The following TERB2 variants were observed in gnomAD, a reference collection of about 807,000 sequenced individuals.
TERB2 encodes telomere repeats-binding bouquet formation protein 2.
In TERB2, 26 loss-of-function variants were observed where a neutral mutation model predicts 29.8. That is an observed-to-expected ratio of 0.87 (90% confidence interval 0.64 to 1.21). The LOEUF (loss-of-function observed/expected upper bound fraction) is 1.21, where lower values mean the gene tolerates loss of function less well. Among genes scored for constraint, TERB2 ranks in the 50% most tolerant of loss-of-function variants. TERB2 has a pLI of 0.00. For missense variants in TERB2, 240 were observed against 268.6 expected (o/e 0.89, Z 0.74); for synonymous variants, 80 against 90.8 (o/e 0.88, Z 0.68).
At chr15:44,977,098 A>AACACACACACACACACACACACACACAC (rs373706136) in intron 6 of TERB2, among the ~76,000 whole-genome samples, 26 of 148,882 alleles carry the variant, frequency 1.7e-4, no homozygotes, top group South Asian at 4.3e-4. Flanking sequence ...ACCCTGTCAA[A>AACACACACACACACACACACACACACAC]ACACACACAC....
intron 5 of TERB2, among the ~76,000 whole-genome samples, chr15:44,972,851 T>C (rs1046337952): frequency 6.6e-6 from 1 of 152,186 alleles, no homozygotes; most frequent in East Asian, 1.9e-4. Flanking sequence ...TATACATTTT[T>C]TTAGATTTTA....
chr15:44,972,071 C>G (rs1256208493), intron 5 of TERB2, among the ~76,000 whole-genome samples: 1 of 143,530 alleles, frequency 7.0e-6, no homozygotes, highest in East Asian at 2.3e-4. Context: ...CTCACTGCAA[C>G]CTCCGCCTCC....
intron 4 of TERB2, among the ~76,000 whole-genome samples, chr15:44,965,345 G>A (rs1021237905): frequency 1.4e-5 from 2 of 147,654 alleles, no homozygotes; most frequent in Admixed American, 1.4e-4. Context: ...CGTATATAGT[G>A]AAGCAAATAC....
chr15:44,961,489 C>T, intron 3 of TERB2, 34 bp from the exon 4 acceptor site: 1 of 1,477,004 alleles, frequency 6.8e-7, no homozygotes, highest in Non-Finnish European at 9.1e-7. Context: ...AAAAAAAAAC[C>T]AAAACAGTAT....
At chr15:44,971,789 A>C (rs899910455) in intron 5 of TERB2, among the ~76,000 whole-genome samples, 95 of 151,636 alleles carry the variant, frequency 6.3e-4, no homozygotes, top group African/African-American at 2.2e-3. Context: ...AAATAATGAA[A>C]GTATTCCTTC....
chr15:44,962,041 C>G (rs1266258776), intron 4 of TERB2, among the ~76,000 whole-genome samples: 1 of 151,932 alleles, frequency 6.6e-6, no homozygotes. Context: ...TTGAATATTA[C>G]TTGGTTCGAC....
At chr15:44,971,306 G>A (rs1354383196) in intron 5 of TERB2, 1 of 152,204 alleles carries the variant, frequency 6.6e-6, no homozygotes, top group Admixed American at 6.5e-5. Flanking sequence ...ACCAGCGAAA[G>A]CAGCCACTCT....
chr15:44,970,662 A>G (rs886767619), intron 5 of TERB2: 9 of 168,922 alleles, frequency 5.3e-5, no homozygotes, highest in Admixed American at 2.5e-4. Context: ...TTCCTCATCA[A>G]CTCTTGTTCC....
At position 44,958,527 on chromosome 15, in the gene TERB2, T is replaced by C. The variant is rs1326777018; in HGVS notation, c.286+15T>C. ...CCTGCAAAAAGGTTAGCAAAGATCATTCAGCCAATCCCTGTCAGACAGCCA... is the reference window on the plus strand; with the variant it reads ...CCTGCAAAAAGGTTAGCAAAGATCACTCAGCCAATCCCTGTCAGACAGCCA... On this transcript the variant is annotated intron_variant, in intron 3 of 6. Coordinates refer to ENST00000340827, the MANE Select transcript of TERB2 (RefSeq NM_152448.3). The C allele has an allele frequency of 1.3e-6, 2 of 1,596,514 alleles. No individual in the cohort carries two copies. The highest frequency in any genetic ancestry group is 3.5e-5 in the Admixed American group (2 of 57,162).
intron 2 of TERB2, among the ~76,000 whole-genome samples, chr15:44,957,711 CTG>C (rs1223765011): frequency 3.9e-5 from 6 of 152,198 alleles, no homozygotes; most frequent in Admixed American, 3.9e-4. Flanking sequence ...TGCCTCGAAT[CTG>C]TTCCCTGAGA....
intron 5 of TERB2, among the ~76,000 whole-genome samples, chr15:44,966,577 G>A (rs556549907): frequency 9.9e-5 from 15 of 152,196 alleles, no homozygotes; most frequent in African/African-American, 3.1e-4. Flanking sequence ...GCAGAAAGGA[G>A]ACAAGGATTT....
intron 5 of TERB2, among the ~76,000 whole-genome samples, chr15:44,968,894 T>C (rs1267537950): frequency 2.0e-5 from 3 of 152,172 alleles, no homozygotes; most frequent in Middle Eastern, 3.2e-3. Context: ...AGGAGTTTTT[T>C]TTCTTTCTTA....
intron 4 of TERB2, among the ~76,000 whole-genome samples, chr15:44,965,803 T>C (rs569214282): frequency 6.6e-6 from 1 of 151,620 alleles, no homozygotes; most frequent in Non-Finnish European, 1.5e-5. Flanking sequence ...AGATTTTTTG[T>C]TTCCTTATTT....
chr15:44,973,760 TTATG>T (rs1892003892), intron 5 of TERB2, 103 bp from the exon 6 acceptor site: 1 of 791,238 alleles, frequency 1.3e-6, no homozygotes, highest in Non-Finnish European at 1.6e-6. Context: ...GTAAAGGTAA[TTATG>T]TATTATAAAT....
intron 5 of TERB2, among the ~76,000 whole-genome samples, chr15:44,969,115 G>A (rs1249986814): frequency 1.3e-5 from 2 of 151,038 alleles, no homozygotes; most frequent in Admixed American, 6.6e-5. Context: ...AAATTAATTA[G>A]ACAGGGTCTC....
intron 4 of TERB2, among the ~76,000 whole-genome samples, chr15:44,963,755 A>G (rs1891840688): frequency 6.6e-6 from 1 of 150,704 alleles, no homozygotes; most frequent in Non-Finnish European, 1.5e-5. Flanking sequence ...CAGAAATGTT[A>G]ACACTTTGTG....
chr15:44,962,347 ATT>A (rs34169916), intron 4 of TERB2, among the ~76,000 whole-genome samples: 13 of 136,986 alleles, frequency 9.5e-5, no homozygotes, highest in African/African-American at 5.3e-5. Context: ...AAGCCCAGCT[ATT>A]TTTTTTTTTT....
At chr15:44,966,265 T>G in intron 5 of TERB2, 22 bp downstream of exon 5, 1 of 1,422,136 alleles carries the variant, frequency 7.0e-7, no homozygotes, top group East Asian at 2.6e-5. Flanking sequence ...AGAAACTTCA[T>G]TAATATTCAA....
At chr15:44,964,614 C>T (rs1209407660) in intron 4 of TERB2, among the ~76,000 whole-genome samples, 2 of 152,012 alleles carry the variant, frequency 1.3e-5, no homozygotes, top group Admixed American at 6.6e-5. Context: ...CTAACCCAAT[C>T]CAATGTTTTT....
Sources: allele counts gnomAD v4.1 joint callset (sites outside exome capture counted in the v4.1 genomes callset), GRCh38; gene constraint gnomAD v4.1.1; transcripts MANE v1.5; gene names NCBI Gene and HGNC (gene_info 2026-07-23, HGNC 2026-07-21).